The following EZR variants were observed in gnomAD, a reference collection of about 807,000 sequenced individuals.
EZR encodes the protein ezrin.
In EZR, 40 loss-of-function variants were observed where a neutral mutation model predicts 74.8. The ratio of observed to expected loss-of-function variants is 0.53; its 90% CI spans 0.42 to 0.70. EZR has a LOEUF of 0.70. EZR is among the 30% of genes least tolerant of loss of function. The pLI, the probability that EZR is intolerant of heterozygous loss-of-function variation, is 0.00. For missense variants in EZR, 678 were observed against 755.8 expected (o/e 0.90, Z 1.21); for synonymous variants, 341 against 283.3 (o/e 1.20, Z -2.05).
chr6:158,781,882 G>A (rs921430010), intron 7 of EZR, among the ~76,000 whole-genome samples: 4 of 152,188 alleles, frequency 2.6e-5, no homozygotes, highest in South Asian at 4.2e-4. Flanking sequence ...TCCCACCTCA[G>A]CCACCTGACT....
chr6:158,808,656 G>A (rs1433408901), intron 2 of EZR, among the ~76,000 whole-genome samples: 5 of 152,234 alleles, frequency 3.3e-5, no homozygotes, highest in South Asian at 2.1e-4. Context: ...CATCCCAGGC[G>A]GGCACGCAGG....
chr6:158,781,348 C>T (rs950256989), intron 7 of EZR, among the ~76,000 whole-genome samples: 1 of 152,168 alleles, frequency 6.6e-6, no homozygotes, highest in Non-Finnish European at 1.5e-5. Flanking sequence ...TGCCCAACAC[C>T]CCAGCATGCT....
In EZR at chr6:158,784,956, T is replaced by C. The variant is rs113141204; in HGVS notation, c.468-229A>G. On this transcript the variant is annotated intron_variant, in intron 5 of 13. Transcript: ENST00000367075. Reference sequence around the variant, plus strand: ...GTTCTGCTGGAAAAACTAAGAGGTATTTTAAGTGGCCTCTTCTTCCAAATG... The same window carrying C: ...GTTCTGCTGGAAAAACTAAGAGGTACTTTAAGTGGCCTCTTCTTCCAAATG... 5.3e-3 allele frequency among the ~76,000 whole-genome samples: 814 copies of C among 152,340 alleles called. 5 individuals carry two copies. The highest frequency in any genetic ancestry group is 0.019 in the African/African-American group (771 of 41,574).
chr6:158,786,682 C>A (rs1791591310), intron 4 of EZR, among the ~76,000 whole-genome samples: 1 of 150,494 alleles, frequency 6.6e-6, no homozygotes, highest in Admixed American at 6.6e-5. Context: ...GGATAATTTT[C>A]AGAGTTTGAA....
chr6:158,770,744 C>T lies in EZR; in HGVS notation c.1090+20G>A, dbSNP rs1441604382. ...GAAATGCATGACCCAGTGTAGAGTG[C>T]CAGCCCCAGGGCGCCTGACCTCTCT... On this transcript the variant is annotated intron_variant, in intron 10 of 13. Transcript: ENST00000367075. 2.5e-6 allele frequency: 4 copies of T among 1,613,842 alleles called. No individual in the cohort carries two copies. The African/African-American group carries it at 5.3e-5, about 22-fold the overall frequency.
At position 158,767,431 on chromosome 6, in the gene EZR, G is replaced by A. The variant is rs778674522; in HGVS notation, c.1426C>T (p.Pro476Ser). ...VMTAPPPPPP[P>S]VYEPVSYHVQ... ...TGGTAGCTCACCGGCTCGTACACGG[G>A]GGGTGGTGGGGGCGGGGGTGCTGTC... Residue 476 changes from proline (P) to serine (S), a missense_variant, in exon 13 of 14, where the codon CCC (proline) becomes TCC (serine). Physicochemically the swap from Pro to Ser is moderately conservative, Grantham distance 74 (BLOSUM62 -1). Transcript: ENST00000367075. 27 of 1,613,512 alleles carry A rather than the reference G, an allele frequency of 1.7e-5. No individual in the cohort carries two copies. Among genetic ancestry groups the A allele is most frequent in the Middle Eastern group, 1.6e-4 (1 of 6,084 alleles).
chr6:158,775,034 C>CCT (rs747599712), intron 8 of EZR, among the ~76,000 whole-genome samples: 5 of 121,540 alleles, frequency 4.1e-5, no homozygotes, highest in African/African-American at 1.3e-4. Flanking sequence ...AGCAGGAGCC[C>CCT]TTTTTTTTTT....
intron 6 of EZR, 28 bp downstream of exon 6, chr6:158,784,616 G>A (rs1183164277): frequency 1.9e-6 from 3 of 1,600,736 alleles, no homozygotes. Context: ...GAGATGGCAA[G>A]ATCCCAACAG....
intron 11 of EZR, among the ~76,000 whole-genome samples, 168 bp downstream of exon 11, chr6:158,769,616 T>G (rs545431689): frequency 2.0e-5 from 3 of 151,990 alleles, no homozygotes; most frequent in Non-Finnish European, 4.4e-5. Flanking sequence ...CTTCAATGGG[T>G]GACCCTGGCA....
intron 2 of EZR, among the ~76,000 whole-genome samples, chr6:158,802,263 G>C (rs1253187051): frequency 1.3e-5 from 2 of 152,222 alleles, no homozygotes; most frequent in African/African-American, 4.8e-5. Context: ...GCTGTAGCTA[G>C]AGTTTCTCAG....
At chr6:158,806,317 A>G (rs1777337894) in intron 2 of EZR, among the ~76,000 whole-genome samples, 1 of 152,204 alleles carries the variant, frequency 6.6e-6, no homozygotes, top group Non-Finnish European at 1.5e-5. Flanking sequence ...GCAAAAGTAA[A>G]GCATCTCTCC....
At chr6:158,803,626 C>T (rs1281610750) in intron 2 of EZR, among the ~76,000 whole-genome samples, 2 of 18,300 alleles carry the variant, frequency 1.1e-4, no homozygotes, top group East Asian at 1.0e-3. Context: ...TATATATATA[C>T]ATATACATAC....
chr6:158,770,478 G>A (rs891310589), intron 10 of EZR, among the ~76,000 whole-genome samples: 4 of 152,136 alleles, frequency 2.6e-5, no homozygotes, highest in African/African-American at 9.7e-5. Flanking sequence ...TCACTGTACC[G>A]CACCAAACCT....
rs1790791857 is a variant in EZR at position 158,766,168 on chromosome 6, A to G, written c.*746T>C. ...ATTCTTTTATTCTGTAAAAGGTAAC[A>G]AAATATACAGAACAAAACTTTCCCT... On this transcript the variant is annotated 3_prime_UTR_variant, in exon 14 of 14. Transcript: ENST00000367075. 1 of 152,678 alleles carries G rather than the reference A, an allele frequency of 6.5e-6. No homozygotes were observed. Among genetic ancestry groups the G allele is most frequent in the African/African-American group, 2.4e-5 (1 of 41,464 alleles). The allele number at this position is 152,678 out of a possible 1,614,324, so 9.5% of individuals were successfully genotyped here. A position where few individuals can be genotyped will look rare whatever the true frequency, so the allele number is the denominator to read the frequency against.
At position 158,767,367 on chromosome 6, in the gene EZR, G is replaced by A. The variant is rs377390941; in HGVS notation, c.1490C>T (p.Thr497Met). 235 of 1,613,912 alleles carry A rather than the reference G, an allele frequency of 1.5e-4. No homozygotes were observed. Among genetic ancestry groups the A allele is most frequent in the Middle Eastern group, 3.3e-4 (2 of 6,084 alleles). Residue 497 changes from threonine (T) to methionine (M), a missense_variant, in exon 13 of 14, where the codon ACG becomes ATG. Transcript: ENST00000367075. ...ESLQDEGAEPTGYSAELSSEG... is the reference protein window; with the variant it reads ...ESLQDEGAEPMGYSAELSSEG... ...ACTAGACAGCTCCGCGCTGTAGCCC[G>A]TGGGCTCTGCGCCCTCATCCTGCAA...
intron 2 of EZR, among the ~76,000 whole-genome samples, chr6:158,817,571 G>C (rs551033176): frequency 6.6e-6 from 1 of 152,172 alleles, no homozygotes; most frequent in Non-Finnish European, 1.5e-5. Context: ...ACCGCTTCAT[G>C]GGCCTAGTAG....
chr6:158,799,360 G>A (rs1000738290), intron 2 of EZR, among the ~76,000 whole-genome samples: 7 of 152,162 alleles, frequency 4.6e-5, no homozygotes, highest in African/African-American at 1.2e-4. Flanking sequence ...GTGCCCGGGC[G>A]GCAGGGGGCA....
At chr6:158,785,636 T>C (rs751096197) in intron 4 of EZR, 53 bp from the exon 5 acceptor site, 92 of 1,598,320 alleles carry the variant, frequency 5.8e-5, no homozygotes, top group Non-Finnish European at 7.3e-5. Flanking sequence ...GAAGGCCCAC[T>C]GTCCCCAACA....
In EZR at chr6:158,818,396, G is replaced by T. The variant is rs967762326; in HGVS notation, c.-73-230C>A. Reference sequence around the variant, plus strand: ...CCGAGAGCGGGGGCGCGCGCCCAAGGGGCAGCCGGCGGGCACTGGAGGTGC... The same window carrying T: ...CCGAGAGCGGGGGCGCGCGCCCAAGTGGCAGCCGGCGGGCACTGGAGGTGC... On this transcript the variant is annotated intron_variant, in intron 1 of 13. Transcript: ENST00000367075. Among the ~76,000 whole-genome samples the T allele has an allele frequency of 6.0e-5, 9 of 151,130 alleles. No individual in the cohort carries two copies. The East Asian group carries it at 1.6e-3, about 26-fold the overall frequency.
Sources: gnomAD v4.1 joint callset for allele counts (sites outside exome capture counted in the v4.1 genomes callset) on GRCh38, gnomAD v4.1.1 for gene constraint, MANE v1.5 for transcripts, NCBI Gene and HGNC (gene_info 2026-07-23, HGNC 2026-07-21) for gene names.